Variants in FAM98B observed in about 807,000 individuals in gnomAD.
FAM98B encodes tRNA-splicing ligase complex subunit FAM98B.
A neutral mutation model predicts 43.9 loss-of-function variants in FAM98B; 32 were observed. The observed-to-expected ratio is 0.73, with a 90% CI of 0.55 to 0.98. The LOEUF (loss-of-function observed/expected upper bound fraction) is 0.98, where lower values mean the gene tolerates loss of function less well. Ranked by LOEUF, FAM98B falls within the 50% of genes least tolerant of loss-of-function variation. The pLI, the probability that FAM98B is intolerant of heterozygous loss-of-function variation, is 0.00. For missense variants in FAM98B, 514 were observed against 522.9 expected (o/e 0.98, Z 0.17); for synonymous variants, 190 against 174.0 (o/e 1.09, Z -0.72).
In FAM98B at chr15:38,454,207, G is replaced by A. The variant is rs781472476; in HGVS notation, c.46G>A (p.Val16Met). 62 of 1,604,248 alleles carry A rather than the reference G, an allele frequency of 3.9e-5. No individual in the cohort carries two copies. Among genetic ancestry groups the A allele is most frequent in the Non-Finnish European group, 4.8e-5 (57 of 1,176,678 alleles). ...TCCCCAACCGACGATGGAGGGAGACGTGCTGGACACACTGGAGGCGCTGGG... is the reference window on the plus strand; with the variant it reads ...TCCCCAACCGACGATGGAGGGAGACATGCTGGACACACTGGAGGCGCTGGG... ...PGPQPTMEGD[V>M]LDTLEALGYK... The change falls in exon 1 of 8, where the codon GTG (valine) becomes ATG (methionine). Residue 16 changes from valine (V) to methionine (M), a missense_variant. Coordinates refer to ENST00000397609, the MANE Select transcript of FAM98B (RefSeq NM_173611.4).
In FAM98B at chr15:38,484,884, T is replaced by G; in HGVS notation, c.*225T>G. On this transcript the variant is annotated 3_prime_UTR_variant, in exon 8 of 8. Transcript: ENST00000397609. ...CATATTCTGTGTACCCTTGAGCATG[T>G]TGTGTCTTTTTAAAAAACAAAAAAA... The G allele has an allele frequency of 1.8e-6, 1 of 561,768 alleles. No individual in the cohort carries two copies. Among genetic ancestry groups the G allele is most frequent in the Non-Finnish European group, 2.7e-6 (1 of 375,506 alleles). The allele number at this position is 561,768 out of a possible 1,614,324, so 34.8% of individuals were successfully genotyped here.
chr15:38,478,171 T>G (rs1033915233), intron 6 of FAM98B, among the ~76,000 whole-genome samples: 1 of 152,230 alleles, frequency 6.6e-6, no homozygotes, highest in Non-Finnish European at 1.5e-5. Flanking sequence ...TGACATAGAT[T>G]CATGGGCATG....
chr15:38,474,347 C>G (rs181737697), intron 6 of FAM98B, 49 bp downstream of exon 6: 2 of 1,267,616 alleles, frequency 1.6e-6, no homozygotes, highest in East Asian at 2.3e-5. Context: ...CCTATAACAG[C>G]TCTTCTGGCT....
chr15:38,469,237 GTC>G (rs1890086529), intron 3 of FAM98B, among the ~76,000 whole-genome samples: 1 of 125,614 alleles, frequency 8.0e-6, no homozygotes, highest in African/African-American at 2.8e-5. Flanking sequence ...GTAGTGAAGA[GTC>G]TGTTTAAAAC....
At chr15:38,476,382 A>T (rs1451725022) in intron 6 of FAM98B, among the ~76,000 whole-genome samples, 1 of 150,556 alleles carries the variant, frequency 6.6e-6, no homozygotes, top group African/African-American at 2.4e-5. Context: ...TACTAGATGG[A>T]CCTTTCAATA....
chr15:38,474,255 T>C lies in FAM98B; in HGVS notation c.686T>C (p.Leu229Ser). The stretch of plus-strand genomic sequence containing the variant: ...CGCCGACGAATGTTAATGAAACGAT[T>C]AGATGTGACTGTACAGTCCTTTGGA... ...ECRRRMLMKRLDVTVQSFGWS... is the reference protein window; with the variant it reads ...ECRRRMLMKRSDVTVQSFGWS... The change falls in exon 6 of 8, where the codon TTA becomes TCA. Residue 229 changes from leucine to serine, a missense_variant. Leu to Ser is a moderately radical substitution (Grantham distance 145, BLOSUM62 -2). Coordinates refer to ENST00000397609, the MANE Select transcript of FAM98B (RefSeq NM_173611.4). The C allele has an allele frequency of 2.5e-6, 4 of 1,613,812 alleles. No homozygotes were observed. The highest frequency in any genetic ancestry group is 1.7e-6 in the Non-Finnish European group (2 of 1,179,782).
chr15:38,472,473 TTC>T (rs1321042780), intron 4 of FAM98B, among the ~76,000 whole-genome samples: 1 of 152,080 alleles, frequency 6.6e-6, no homozygotes, highest in African/African-American at 2.4e-5. Context: ...CACAGGTTCT[TTC>T]TAAGCTAATT....
At chr15:38,481,223 TTA>T in intron 6 of FAM98B, 67 bp from the exon 7 acceptor site, 1 of 1,341,494 alleles carries the variant, frequency 7.5e-7, no homozygotes, top group Non-Finnish European at 1.1e-6. Context: ...TTTCTAAAGA[TTA>T]TGATTGTTTT....
intron 6 of FAM98B, among the ~76,000 whole-genome samples, chr15:38,478,216 G>A (rs1890233395): frequency 6.6e-6 from 1 of 152,074 alleles, no homozygotes; most frequent in Admixed American, 6.5e-5. Flanking sequence ...TGGGAGCTTT[G>A]AGCAAATATT....
rs757712904 is a variant in FAM98B, at chr15:38,474,300, T to C, written c.729+2T>C. 1 of 1,602,308 alleles carries C rather than the reference T, an allele frequency of 6.2e-7. No homozygotes were observed. Among genetic ancestry groups the C allele is most frequent in the South Asian group, 1.1e-5 (1 of 90,278 alleles). On this transcript the variant is annotated splice_donor_variant, in intron 6 of 7. Transcript: ENST00000397609. LOFTEE classifies it high-confidence loss of function. ...TTTGGATGGTCTGATAGAGCAAAGG[T>C]AAGGCTGTTTTCCCATATGTGTCCT...
At chr15:38,479,002 C>G (rs1890245931) in intron 6 of FAM98B, among the ~76,000 whole-genome samples, 2 of 151,982 alleles carry the variant, frequency 1.3e-5, no homozygotes, top group South Asian at 2.1e-4. Context: ...TGTTGTTGCC[C>G]AGGCTGGAGT....
chr15:38,464,861 C>T (rs62002928), intron 2 of FAM98B, among the ~76,000 whole-genome samples: 3,305 of 152,276 alleles, frequency 0.022, 55 homozygotes, highest in African/African-American at 0.039. Context: ...CCCACCCTCC[C>T]AAGTAGTTGA....
chr15:38,463,013 C>T (rs1016740618), intron 1 of FAM98B, among the ~76,000 whole-genome samples: 2 of 152,150 alleles, frequency 1.3e-5, no homozygotes, highest in Non-Finnish European at 2.9e-5. Flanking sequence ...AAAAGAATAA[C>T]TGTGATGGAT....
intron 3 of FAM98B, among the ~76,000 whole-genome samples, chr15:38,466,117 T>C (rs922226000): frequency 6.6e-6 from 1 of 152,176 alleles, no homozygotes; most frequent in East Asian, 1.9e-4. Context: ...ATAAAAAGAT[T>C]ACACGTGACA....
rs751223300 is a variant in FAM98B at position 38,484,704 on chromosome 15, A to C, written c.*45A>C. The C allele has an allele frequency of 2.7e-6, 4 of 1,491,670 alleles. No individual in the cohort carries two copies. In the South Asian group the frequency reaches 5.5e-5, roughly 20 times the overall value. 92.4% of individuals were successfully genotyped at this position (1,491,670 alleles called of 1,614,324 possible). On this transcript the variant is annotated 3_prime_UTR_variant, in exon 8 of 8. Transcript: ENST00000397609. ...GCAGTGCTTGCTTCTTTATAGATAC[A>C]TTAGAAATAGTGTTCCAAATAACAT...
intron 1 of FAM98B, among the ~76,000 whole-genome samples, chr15:38,457,695 A>T (rs890814916): frequency 6.6e-6 from 1 of 152,088 alleles, no homozygotes; most frequent in Non-Finnish European, 1.5e-5. Context: ...TAATGGCAAG[A>T]ATAGAGGTGG....
At chr15:38,458,932 C>T (rs1555397189) in intron 1 of FAM98B, 2 of 420,752 alleles carry the variant, frequency 4.8e-6, no homozygotes. Flanking sequence ...GGGTTTTCCT[C>T]AGGTTCCTCC....
chr15:38,481,017 A>AT (rs1307552361), intron 6 of FAM98B, among the ~76,000 whole-genome samples: 10 of 152,012 alleles, frequency 6.6e-5, no homozygotes, highest in Non-Finnish European at 1.5e-4. Context: ...TGGTAAAACT[A>AT]TTTTTTAGGT....
At chr15:38,481,856 C>T in intron 7 of FAM98B, 2 of 323,938 alleles carry the variant, frequency 6.2e-6, no homozygotes, top group South Asian at 4.1e-5. Context: ...TCTGGGTTCC[C>T]ATCCTGGCTC....
Sources: allele counts gnomAD v4.1 joint callset (sites outside exome capture counted in the v4.1 genomes callset), GRCh38; gene constraint gnomAD v4.1.1; transcripts MANE v1.5; gene names NCBI Gene and HGNC (gene_info 2026-07-23, HGNC 2026-07-21).